KSR2: variants seen among roughly 807,000 people sequenced by gnomAD.
KSR2 encodes kinase suppressor of ras 2.
KSR2 carries 25 observed loss-of-function variants against 107.8 expected under a neutral mutation model. That is an observed-to-expected ratio of 0.23 (90% CI 0.17 to 0.32). The LOEUF (loss-of-function observed/expected upper bound fraction) is 0.32, where lower values mean the gene tolerates loss of function less well. Among genes scored for constraint, KSR2 ranks in the 10% least tolerant of loss-of-function variants. The probability of loss-of-function intolerance (pLI) is 1.00; values close to 1 mark genes in which losing one functional copy is unlikely to be tolerated. For missense variants in KSR2, 887 were observed against 1,268.9 expected (o/e 0.70, Z 4.57); for synonymous variants, 480 against 507.0 (o/e 0.95, Z 0.71).
chr12:117,529,034 A>G (rs1875425136), intron 12 of KSR2, among the ~76,000 whole-genome samples: 2 of 152,160 alleles, frequency 1.3e-5, no homozygotes, highest in African/African-American at 4.8e-5. Flanking sequence ...TGCTCCTTTG[A>G]TTTCAGAGAT....
At chr12:117,590,507 A>G (rs1343267962) in intron 5 of KSR2, among the ~76,000 whole-genome samples, 1 of 152,190 alleles carries the variant, frequency 6.6e-6, no homozygotes, top group African/African-American at 2.4e-5. Context: ...AAGTGGGGTG[A>G]TATAATTGGA....
chr12:117,770,355 C>T (rs1889393734), intron 3 of KSR2, among the ~76,000 whole-genome samples: 1 of 152,050 alleles, frequency 6.6e-6, no homozygotes, highest in Non-Finnish European at 1.5e-5. Flanking sequence ...CCAAGGAGCA[C>T]CAAGGATGGC....
rs1893219241 is a variant in KSR2 at position 117,859,594 on chromosome 12, C to A, written c.321+697G>T. ...CCCTCAGCCTCCCAAGTAGCTAGGA[C>A]CACAGGCATGCACCACCACACCCGG... is the stretch of plus-strand genomic sequence containing the variant. On this transcript the variant is annotated intron_variant, in intron 2 of 19. Transcript: ENST00000339824. Among the ~76,000 whole-genome samples, 3 of 151,430 alleles carry A rather than the reference C, an allele frequency of 2.0e-5. No homozygotes were observed. The South Asian group carries it at 6.3e-4, about 32-fold the overall frequency.
chr12:117,959,878 C>A (rs1346236259), intron 1 of KSR2, among the ~76,000 whole-genome samples: 1 of 151,770 alleles, frequency 6.6e-6, no homozygotes, highest in South Asian at 2.1e-4. Flanking sequence ...CTTCAGTGAG[C>A]CATGACAGTG....
At chr12:117,544,737 A>G (rs1397818028) in intron 9 of KSR2, among the ~76,000 whole-genome samples, 1 of 152,016 alleles carries the variant, frequency 6.6e-6, no homozygotes, top group Non-Finnish European at 1.5e-5. Context: ...GGATTTTTGT[A>G]TTTTCTTTGG....
intron 4 of KSR2, among the ~76,000 whole-genome samples, chr12:117,683,695 CT>C (rs1885459167): frequency 6.6e-6 from 1 of 152,138 alleles, no homozygotes; most frequent in Non-Finnish European, 1.5e-5. Context: ...CAAAATGTCC[CT>C]TAAATACATA....
Position 117,582,315 on chromosome 12 carries a change from C to T in KSR2, c.1216G>A (p.Asp406Asn). Residue 406 changes from aspartate (D) to asparagine (N), a missense_variant, in exon 6 of 20, where the codon GAT becomes AAT. Around this residue, in one of 8 missense-constraint regions of KSR2, gnomAD observed 399 missense variants for 479.5 expected, o/e 0.83. Coordinates refer to ENST00000339824, the MANE Select transcript of KSR2 (RefSeq NM_173598.6). Reference protein sequence around the residue: ...PRWSPQIPRRDLGNSIKHRFS... With the variant: ...PRWSPQIPRRNLGNSIKHRFS... ...CTGTGCTTGATGGAGTTGCCGAGATCTCTGCGAGGGATCTGCGGGGACCAG... is the reference window on the plus strand; with the variant it reads ...CTGTGCTTGATGGAGTTGCCGAGATTTCTGCGAGGGATCTGCGGGGACCAG... 1.9e-6 allele frequency: 3 copies of T among 1,613,900 alleles called. No homozygotes were observed. The highest frequency in any genetic ancestry group is 1.1e-5 in the South Asian group (1 of 91,086).
intron 1 of KSR2, among the ~76,000 whole-genome samples, chr12:117,939,547 C>A (rs1306009294): frequency 6.6e-6 from 1 of 152,050 alleles, no homozygotes; most frequent in East Asian, 1.9e-4. Context: ...CCCATCTCTA[C>A]TAAAAATACA....
In KSR2 at chr12:117,715,888, T is replaced by C. The variant is rs1886959516; in HGVS notation, c.986+45123A>G. Among the ~76,000 whole-genome samples the C allele has an allele frequency of 2.6e-5, 4 of 152,222 alleles. No homozygotes were observed. In the South Asian group the frequency reaches 8.3e-4, roughly 31 times the overall value. On this transcript the variant is annotated intron_variant, in intron 4 of 19. Coordinates refer to ENST00000339824, the MANE Select transcript of KSR2 (RefSeq NM_173598.6). ...CTCCAAATAGCCCCAGTCATACTGT[T>C]CTTCATTAAGTTCCTAGAACATGCA...
At chr12:117,766,708 C>T (rs1205629820) in intron 3 of KSR2, among the ~76,000 whole-genome samples, 4 of 151,802 alleles carry the variant, frequency 2.6e-5, no homozygotes, top group African/African-American at 7.3e-5. Flanking sequence ...GGAGGTGGCA[C>T]CTAAGCCCAG....
At chr12:117,658,926 G>C (rs1182657948) in intron 5 of KSR2, among the ~76,000 whole-genome samples, 1 of 152,178 alleles carries the variant, frequency 6.6e-6, no homozygotes, top group Non-Finnish European at 1.5e-5. Flanking sequence ...CTGCCAGCCA[G>C]GAATTTTCCT....
intron 5 of KSR2, among the ~76,000 whole-genome samples, chr12:117,617,232 A>G (rs922991072): frequency 1.3e-5 from 2 of 152,134 alleles, no homozygotes; most frequent in Non-Finnish European, 2.9e-5. Context: ...CATTCTTTTC[A>G]GTATTTTCCA....
chr12:117,596,399 G>A (rs1880647848), intron 5 of KSR2, among the ~76,000 whole-genome samples: 1 of 152,002 alleles, frequency 6.6e-6, no homozygotes, highest in Admixed American at 6.6e-5. Flanking sequence ...ATGAGATTTG[G>A]GTGGGGACAC....
intron 5 of KSR2, among the ~76,000 whole-genome samples, chr12:117,591,499 G>A (rs1426116251): frequency 6.6e-6 from 1 of 152,078 alleles, no homozygotes; most frequent in African/African-American, 2.4e-5. Flanking sequence ...AGAGATAGGA[G>A]ATGCCCTGCT....
chr12:117,787,453 T>C (rs1593236013), intron 3 of KSR2, among the ~76,000 whole-genome samples: 1 of 151,840 alleles, frequency 6.6e-6, no homozygotes, highest in Admixed American at 6.6e-5. Context: ...GCCAAGATGG[T>C]GAAACTCCGC....
intron 4 of KSR2, among the ~76,000 whole-genome samples, chr12:117,717,724 C>T (rs988949475): frequency 6.7e-5 from 10 of 149,640 alleles, no homozygotes; most frequent in Admixed American, 2.0e-4. Flanking sequence ...CATGCGCGCG[C>T]GTGCATGCAC....
At chr12:117,715,252 C>T (rs568311549) in intron 4 of KSR2, among the ~76,000 whole-genome samples, 1 of 152,204 alleles carries the variant, frequency 6.6e-6, no homozygotes, top group African/African-American at 2.4e-5. Context: ...TTATGAAACA[C>T]CCTAAGTCGA....
chr12:117,903,070 C>T (rs10850933), intron 1 of KSR2, among the ~76,000 whole-genome samples: 20,986 of 152,090 alleles, frequency 0.14, 1,647 homozygotes, highest in East Asian at 0.29. Flanking sequence ...AGGTGAGTTG[C>T]GTTAATGTAG....
chr12:117,959,607 C>T (rs757557877), intron 1 of KSR2, among the ~76,000 whole-genome samples: 6 of 151,994 alleles, frequency 3.9e-5, no homozygotes, highest in African/African-American at 9.7e-5. Flanking sequence ...AAATATAACC[C>T]CTGGTTCAAA....
Sources: allele counts gnomAD v4.1 joint callset (sites outside exome capture counted in the v4.1 genomes callset), GRCh38; gene constraint gnomAD v4.1.1; regional missense constraint gnomAD v4.1.1; transcripts MANE v1.5; gene names NCBI Gene and HGNC (gene_info 2026-07-23, HGNC 2026-07-21).